Variants in RABGAP1L observed in about 807,000 individuals in gnomAD.
The protein encoded by RABGAP1L is rab GTPase-activating protein 1-like.
Under a neutral mutation model 137.7 loss-of-function variants are expected in RABGAP1L, and 63 were observed. The observed-to-expected ratio is 0.46, with a 90% CI of 0.37 to 0.56. RABGAP1L has a LOEUF of 0.56. Ranked by LOEUF, RABGAP1L falls within the 20% of genes least tolerant of loss-of-function variation. RABGAP1L has a pLI of 0.00. For synonymous variants in RABGAP1L, 431 were observed against 433.7 expected (o/e 0.99, Z 0.08); for missense variants, 1,095 against 1,244.0 (o/e 0.88, Z 1.80).
At chr1:174,483,942 C>T (rs574751966) in intron 13 of RABGAP1L, among the ~76,000 whole-genome samples, 45 of 152,232 alleles carry the variant, frequency 3.0e-4, no homozygotes, top group African/African-American at 1.0e-3. Context: ...ATTGCTGGAT[C>T]ATATGGTAGC....
At chr1:174,743,558 C>A (rs966701724) in intron 17 of RABGAP1L, among the ~76,000 whole-genome samples, 6 of 152,216 alleles carry the variant, frequency 3.9e-5, no homozygotes, top group South Asian at 4.1e-4. Flanking sequence ...CTAAAAATTT[C>A]TTTCCTTGTT....
intron 17 of RABGAP1L, among the ~76,000 whole-genome samples, chr1:174,745,236 T>G (rs1303653750): frequency 6.6e-6 from 1 of 152,204 alleles, no homozygotes; most frequent in African/African-American, 2.4e-5. Context: ...GGAGTATAAG[T>G]ATAATTGCAC....
intron 17 of RABGAP1L, among the ~76,000 whole-genome samples, chr1:174,746,605 GA>G (rs543170363): frequency 6.5e-4 from 99 of 152,198 alleles, no homozygotes; most frequent in South Asian, 1.9e-3. Context: ...AATCCTTTAG[GA>G]AGTAGAGGAC....
chr1:174,405,194 T>C (rs556870902), intron 13 of RABGAP1L, among the ~76,000 whole-genome samples: 6 of 152,346 alleles, frequency 3.9e-5, no homozygotes, highest in African/African-American at 1.4e-4. Flanking sequence ...AAAGTCAAAT[T>C]ATAGTATCTG....
At chr1:174,344,311 CAGCATTTTACATCTGTTCTGCATAG>C (rs1682248290) in intron 11 of RABGAP1L, among the ~76,000 whole-genome samples, 1 of 152,162 alleles carries the variant, frequency 6.6e-6, no homozygotes, top group Non-Finnish European at 1.5e-5. Context: ...GGATTACTGT[CAGCATTTTACATCTGTTCTGCATAG>C]TGTGAGGAAG....
At chr1:174,799,599 A>G (rs532526045) in intron 18 of RABGAP1L, among the ~76,000 whole-genome samples, 4 of 152,182 alleles carry the variant, frequency 2.6e-5, no homozygotes, top group African/African-American at 9.6e-5. Context: ...CACTGATTGA[A>G]GGTAGACTGG....
chr1:174,867,528 G>A (rs968763259), intron 19 of RABGAP1L, among the ~76,000 whole-genome samples: 1 of 152,142 alleles, frequency 6.6e-6, no homozygotes, highest in Non-Finnish European at 1.5e-5. Context: ...AAAGTGAATT[G>A]AATCTCCTGT....
chr1:174,319,215 T>C (rs554989828), intron 11 of RABGAP1L, among the ~76,000 whole-genome samples: 1 of 152,222 alleles, frequency 6.6e-6, no homozygotes, highest in African/African-American at 2.4e-5. Context: ...TCTTTGATTT[T>C]TTTCCATCAG....
At chr1:174,386,577 G>A (rs1345500607) in intron 12 of RABGAP1L, among the ~76,000 whole-genome samples, 7 of 151,480 alleles carry the variant, frequency 4.6e-5, no homozygotes, top group South Asian at 2.1e-4. Flanking sequence ...GGGCGATCTC[G>A]GCTCACTGCA....
chr1:174,544,637 A>G (rs904184994), intron 13 of RABGAP1L, among the ~76,000 whole-genome samples: 7 of 152,206 alleles, frequency 4.6e-5, no homozygotes, highest in South Asian at 2.1e-4. Context: ...GCTTTGTTCT[A>G]TTGCTGGCGA....
chr1:174,833,447 G>GATATATATATATATAT lies in RABGAP1L; in HGVS notation c.2340+21488_2340+21489insTATATATATATATATA, dbSNP rs1275423217. Among the ~76,000 whole-genome samples, 105 of 16,956 alleles carry GATATATATATATATAT rather than the reference G, an allele frequency of 6.2e-3. 9 individuals are homozygous for GATATATATATATATAT. The highest frequency in any genetic ancestry group is 0.047 in the Non-Finnish European group (90 of 1,904). 11.1% of individuals were successfully genotyped at this position (16,956 alleles called of 152,430 possible). A position where few individuals can be genotyped will look rare whatever the true frequency, so the allele number is the denominator to read the frequency against. ...GTATATATATATGTGTGTGTGTGTA[G>GATATATATATATATAT]AGATATATATATATATATATAGTAG... is the stretch of plus-strand genomic sequence containing the variant. On this transcript the variant is annotated intron_variant, in intron 19 of 25. Transcript: ENST00000681986.
At chr1:174,197,626 C>G (rs1196929070) in intron 1 of RABGAP1L, among the ~76,000 whole-genome samples, 1 of 152,020 alleles carries the variant, frequency 6.6e-6, no homozygotes, top group Non-Finnish European at 1.5e-5. Flanking sequence ...TGGTGAAACC[C>G]TGTCTGTACT....
At chr1:174,954,565 G>T (rs1668230418) in intron 19 of RABGAP1L, among the ~76,000 whole-genome samples, 1 of 152,108 alleles carries the variant, frequency 6.6e-6, no homozygotes, top group Non-Finnish European at 1.5e-5. Flanking sequence ...TAAAAATATG[G>T]TTTCAGAATT....
At chr1:174,424,220 G>A (rs182759111) in intron 13 of RABGAP1L, among the ~76,000 whole-genome samples, 8 of 151,944 alleles carry the variant, frequency 5.3e-5, no homozygotes, top group African/African-American at 7.2e-5. Context: ...GTCTTCAGTC[G>A]TGTTGACCTA....
intron 14 of RABGAP1L, among the ~76,000 whole-genome samples, chr1:174,637,802 G>T (rs1420817941): frequency 6.6e-6 from 1 of 152,188 alleles, no homozygotes; most frequent in Non-Finnish European, 1.5e-5. Flanking sequence ...CTGTCCTTCT[G>T]ACAAGATCAT....
chr1:174,892,477 A>G (rs1656350140), intron 19 of RABGAP1L: 1 of 463,760 alleles, frequency 2.2e-6, no homozygotes, highest in Non-Finnish European at 4.3e-6. Flanking sequence ...TTCACCTTCC[A>G]GCTTCTTTTC....
At chr1:174,239,270 A>ATTCGGCCATCTTGGCTCCTC (rs1671571433) in intron 4 of RABGAP1L, among the ~76,000 whole-genome samples, 1 of 152,126 alleles carries the variant, frequency 6.6e-6, no homozygotes, top group African/African-American at 2.4e-5. Context: ...AGCTGTTCCT[A>ATTCGGCCATCTTGGCTCCTC]TTCGGCCATC....
chr1:174,974,642 T>C (rs866630664), intron 21 of RABGAP1L, among the ~76,000 whole-genome samples: 1 of 152,194 alleles, frequency 6.6e-6, no homozygotes, highest in Non-Finnish European at 1.5e-5. Context: ...TTAAAGACTT[T>C]TAAGGGACTT....
chr1:174,981,735 A>G (rs1288471308), intron 23 of RABGAP1L, among the ~76,000 whole-genome samples: 1 of 151,782 alleles, frequency 6.6e-6, no homozygotes, highest in Non-Finnish European at 1.5e-5. Context: ...GGATTTGAAC[A>G]TCCAATACTT....
Sources: gnomAD v4.1 joint callset for allele counts (sites outside exome capture counted in the v4.1 genomes callset) on GRCh38, gnomAD v4.1.1 for gene constraint, MANE v1.5 for transcripts, NCBI Gene and HGNC (gene_info 2026-07-23, HGNC 2026-07-21) for gene names.